Variants in RSPO2 observed in about 807,000 individuals in gnomAD.
RSPO2 encodes R-spondin 2, also known as R-spondin-2.
A neutral mutation model predicts 30.9 loss-of-function variants in RSPO2; 14 were observed. The ratio of observed to expected loss-of-function variants is 0.45; its 90% CI spans 0.30 to 0.71. The LOEUF (loss-of-function observed/expected upper bound fraction) is 0.71, where lower values mean the gene tolerates loss of function less well. RSPO2 is among the 30% of genes least tolerant of loss of function. RSPO2 has a pLI of 0.08. For synonymous variants in RSPO2, 107 were observed against 96.4 expected (o/e 1.11, Z -0.64); for missense variants, 264 against 301.9 (o/e 0.87, Z 0.93).
chr8:107,994,947 C>T (rs560639320), intron 2 of RSPO2, among the ~76,000 whole-genome samples: 7 of 152,170 alleles, frequency 4.6e-5, no homozygotes, highest in African/African-American at 1.4e-4. Context: ...AGCAAATCTA[C>T]ACAGATTTTA....
chr8:107,922,763 C>T (rs988284212), intron 5 of RSPO2, among the ~76,000 whole-genome samples: 1 of 151,860 alleles, frequency 6.6e-6, no homozygotes, highest in Non-Finnish European at 1.5e-5. Context: ...AAAAATGGAA[C>T]AGAGAGCCCC....
chr8:108,036,591 T>G (rs1811605701), intron 2 of RSPO2, among the ~76,000 whole-genome samples: 1 of 152,228 alleles, frequency 6.6e-6, no homozygotes, highest in Non-Finnish European at 1.5e-5. Flanking sequence ...AGTTTGAACA[T>G]TCCCAAAACA....
chr8:108,001,995 T>C (rs913029035), intron 2 of RSPO2, among the ~76,000 whole-genome samples: 13 of 152,262 alleles, frequency 8.5e-5, no homozygotes, highest in Admixed American at 5.9e-4. Context: ...ATGGCACATA[T>C]ATACCTATGT....
chr8:108,052,697 C>G (rs146862298), intron 2 of RSPO2, among the ~76,000 whole-genome samples: 1 of 151,988 alleles, frequency 6.6e-6, no homozygotes, highest in Admixed American at 6.6e-5. Flanking sequence ...TTAATTCTCA[C>G]GACAAAATTA....
chr8:108,014,052 A>C (rs1165913048), intron 2 of RSPO2, among the ~76,000 whole-genome samples: 3 of 152,244 alleles, frequency 2.0e-5, no homozygotes, highest in East Asian at 3.9e-4. Flanking sequence ...AGACATTCTC[A>C]AAAGAAGACA....
At chr8:107,942,249 C>T (rs562415074) in intron 5 of RSPO2, among the ~76,000 whole-genome samples, 112 of 152,286 alleles carry the variant, frequency 7.4e-4, no homozygotes, top group Non-Finnish European at 1.5e-3. Context: ...GAGAAGGTTG[C>T]TGACTTCCTA....
At chr8:107,998,612 A>G (rs1815110782) in intron 2 of RSPO2, among the ~76,000 whole-genome samples, 1 of 152,210 alleles carries the variant, frequency 6.6e-6, no homozygotes, top group Non-Finnish European at 1.5e-5. Flanking sequence ...AAAAATGTTA[A>G]TAAAGCTTAA....
At chr8:108,006,619 G>A (rs571940685) in intron 2 of RSPO2, among the ~76,000 whole-genome samples, 243 of 150,332 alleles carry the variant, frequency 1.6e-3, no homozygotes, top group African/African-American at 5.6e-3. Flanking sequence ...AAAAAAAAAA[G>A]AGGAATTCAA....
chr8:108,074,222 A>C (rs1812939679), intron 2 of RSPO2, among the ~76,000 whole-genome samples: 1 of 152,216 alleles, frequency 6.6e-6, no homozygotes, highest in Non-Finnish European at 1.5e-5. Flanking sequence ...AAATTGAAAA[A>C]GTTTTAAGTA....
intron 2 of RSPO2, among the ~76,000 whole-genome samples, chr8:108,049,649 C>A (rs1198541628): frequency 4.0e-5 from 6 of 151,838 alleles, no homozygotes; most frequent in Non-Finnish European, 2.9e-5. Flanking sequence ...TGAGAACATG[C>A]GGTGTTTGGT....
chr8:107,964,632 C>G (rs1813737952), intron 3 of RSPO2, among the ~76,000 whole-genome samples: 1 of 152,116 alleles, frequency 6.6e-6, no homozygotes, highest in South Asian at 2.1e-4. Flanking sequence ...TCCTCAGCAG[C>G]TCCAGATCCA....
chr8:107,945,907 C>A (rs781582750), intron 5 of RSPO2, among the ~76,000 whole-genome samples: 37 of 152,134 alleles, frequency 2.4e-4, no homozygotes, highest in Non-Finnish European at 7.3e-5. Flanking sequence ...ATTTTACCAC[C>A]TAGATTACAC....
intron 2 of RSPO2, among the ~76,000 whole-genome samples, chr8:108,053,742 C>A (rs560828656): frequency 6.6e-6 from 1 of 152,126 alleles, no homozygotes; most frequent in Non-Finnish European, 1.5e-5. Context: ...CAAGTTATTA[C>A]AATTCTATAC....
At position 108,061,833 on chromosome 8, in the gene RSPO2, G is replaced by A. The variant is rs186430270; in HGVS notation, c.94+20712C>T. 6.2e-3 allele frequency among the ~76,000 whole-genome samples: 936 copies of A among 151,900 alleles called. 8 individuals are homozygous for A. The highest frequency in any genetic ancestry group is 0.01 in the Non-Finnish European group (681 of 68,026). The stretch of plus-strand genomic sequence containing the variant: ...AAAAGAACAGAAATTATAACAAACT[G>A]TCTCTCAGACCACAGTGCAATCAAA... On this transcript the variant is annotated intron_variant, in intron 2 of 5. Transcript: ENST00000276659.
chr8:108,076,197 G>C (rs765131768), intron 2 of RSPO2, among the ~76,000 whole-genome samples: 2 of 152,210 alleles, frequency 1.3e-5, no homozygotes, highest in African/African-American at 4.8e-5. Context: ...AGTTATCTGG[G>C]ATAGCTTAAG....
At position 107,963,883 on chromosome 8, in the gene RSPO2, T is replaced by G. The variant is rs201089512; in HGVS notation, c.284-3066A>C. The stretch of plus-strand genomic sequence containing the variant: ...ACTTTTTCATATTTGAGTGCATGAA[T>G]TATACCCCTGATTTAATAATGTTGA... On this transcript the variant is annotated intron_variant, in intron 3 of 5. Transcript: ENST00000276659. 3.3e-5 allele frequency among the ~76,000 whole-genome samples: 5 copies of G among 152,240 alleles called. No individual in the cohort carries two copies. In the East Asian group the frequency reaches 9.7e-4, roughly 29 times the overall value.
At chr8:107,992,115 C>G (rs1814866342) in intron 2 of RSPO2, among the ~76,000 whole-genome samples, 1 of 150,190 alleles carries the variant, frequency 6.7e-6, no homozygotes, top group Admixed American at 6.7e-5. Flanking sequence ...TTCTCAATAG[C>G]AAAGACATGG....
intron 2 of RSPO2, among the ~76,000 whole-genome samples, chr8:108,007,497 G>T (rs1815490659): frequency 6.6e-6 from 1 of 152,122 alleles, no homozygotes; most frequent in Non-Finnish European, 1.5e-5. Flanking sequence ...CACCAATAAT[G>T]GGACAAACTG....
intron 2 of RSPO2, among the ~76,000 whole-genome samples, chr8:108,051,874 T>C (rs565166814): frequency 2.0e-5 from 3 of 152,268 alleles, no homozygotes; most frequent in Admixed American, 6.5e-5. Context: ...GTTAAGTAAA[T>C]TTGTTTCTTA....
Sources: allele counts gnomAD v4.1 joint callset (sites outside exome capture counted in the v4.1 genomes callset), GRCh38; gene constraint gnomAD v4.1.1; transcripts MANE v1.5; gene names NCBI Gene and HGNC (gene_info 2026-07-23, HGNC 2026-07-21).